The following VPS50 variants were observed in gnomAD, a reference collection of about 807,000 sequenced individuals.
VPS50 encodes VPS50 subunit of EARP/GARPII complex.
Under a neutral mutation model 139.7 loss-of-function variants are expected in VPS50, and 70 were observed. The observed-to-expected ratio is 0.50, with a 90% confidence interval of 0.41 to 0.61. The LOEUF (loss-of-function observed/expected upper bound fraction) is 0.61, where lower values mean the gene tolerates loss of function less well. VPS50 is among the 20% of genes least tolerant of loss of function. VPS50 has a pLI of 0.00. For missense variants in VPS50, 921 were observed against 1,133.7 expected, an observed-to-expected ratio of 0.81 and a Z score of 2.69; for synonymous variants, 365 against 376.7, an observed-to-expected ratio of 0.97 and a Z score of 0.36.
At chr7:93,336,916 G>A (rs1263687654) in intron 22 of VPS50, among the ~76,000 whole-genome samples, 1 of 152,158 alleles carries the variant, frequency 6.6e-6, no homozygotes, top group Non-Finnish European at 1.5e-5. Context: ...TGGTAGGAAA[G>A]GCTAAAAAAT....
chr7:93,294,430 A>G, intron 13 of VPS50, 115 bp from the exon 14 acceptor site: 1 of 878,552 alleles, frequency 1.1e-6, no homozygotes, highest in Non-Finnish European at 1.6e-6. Context: ...AATATCAAAC[A>G]TATTTACTGT....
chr7:93,314,135 T>C (rs1797353276), intron 20 of VPS50, among the ~76,000 whole-genome samples: 1 of 152,174 alleles, frequency 6.6e-6, no homozygotes, highest in Non-Finnish European at 1.5e-5. Context: ...GCCTGAAGAT[T>C]ATAAACTGGC....
Position 93,358,506 on chromosome 7 carries a change from T to G in VPS50, c.*70T>G, listed in dbSNP as rs140043089. 1,229 of 1,313,152 alleles carry G rather than the reference T, an allele frequency of 9.4e-4. 15 individuals carry two copies. The Middle Eastern group carries it at 0.031, about 33-fold the overall frequency. The allele number at this position is 1,313,152 out of a possible 1,614,324, so 81.3% of individuals were successfully genotyped here. A position where few individuals can be genotyped will look rare whatever the true frequency, so the allele number is the denominator to read the frequency against. On this transcript the variant is annotated 3_prime_UTR_variant, in exon 28 of 28. Coordinates refer to ENST00000305866, the MANE Select transcript of VPS50 (RefSeq NM_017667.4). ...ATATATGACCTGAAAGCCAGTTTTT[T>G]TATGCACTTCTGACAACTATCTGCT...
intron 20 of VPS50, among the ~76,000 whole-genome samples, chr7:93,316,079 G>C (rs990918065): frequency 2.6e-5 from 4 of 152,310 alleles, no homozygotes; most frequent in Middle Eastern, 6.8e-3. Flanking sequence ...TATGGGGGCT[G>C]ACACCCTAAT....
chr7:93,256,092 T>C (rs373319481), intron 4 of VPS50, among the ~76,000 whole-genome samples: 1 of 152,192 alleles, frequency 6.6e-6, no homozygotes, highest in East Asian at 1.9e-4. Context: ...ACATAAAGGA[T>C]CTAAAGGATA....
At chr7:93,301,262 A>T (rs749336233) in intron 16 of VPS50, among the ~76,000 whole-genome samples, 4 of 150,920 alleles carry the variant, frequency 2.7e-5, no homozygotes, top group African/African-American at 7.3e-5. Context: ...GCGCCACTGC[A>T]CTCCAGCCTG....
At chr7:93,325,321 A>G (rs1441096244) in intron 21 of VPS50, among the ~76,000 whole-genome samples, 1 of 152,204 alleles carries the variant, frequency 6.6e-6, no homozygotes, top group Non-Finnish European at 1.5e-5. Flanking sequence ...AAAGACTTAA[A>G]TGTTAGACCT....
rs1205579519 is a variant in VPS50 at position 93,349,865 on chromosome 7, T to C, written c.2305-10T>C. On this transcript the variant is annotated splice_polypyrimidine_tract_variant and intron_variant, in intron 24 of 27. Coordinates refer to ENST00000305866, the MANE Select transcript of VPS50 (RefSeq NM_017667.4). ...AATAATTGTTTTCATTTTTGTGAAA[T>C]TTATTTCAGACAGTCTCAACCGCCA... is the stretch of plus-strand genomic sequence containing the variant. 44 of 1,595,774 alleles carry C rather than the reference T, an allele frequency of 2.8e-5. No individual in the cohort carries two copies. Among genetic ancestry groups the C allele is most frequent in the Non-Finnish European group, 3.6e-5 (42 of 1,172,678 alleles).
At chr7:93,331,851 G>A (rs973356039) in intron 21 of VPS50, among the ~76,000 whole-genome samples, 4 of 152,276 alleles carry the variant, frequency 2.6e-5, no homozygotes, top group South Asian at 4.1e-4. Context: ...TACACAAAGT[G>A]TAAACAACTC....
chr7:93,291,960 A>G, intron 13 of VPS50, 125 bp downstream of exon 13: 1 of 590,904 alleles, frequency 1.7e-6, no homozygotes, highest in Non-Finnish European at 2.8e-6. Context: ...ACCATAGGCT[A>G]AATATTGAGC....
At chr7:93,265,032 C>G (rs1372251764) in intron 9 of VPS50, among the ~76,000 whole-genome samples, 1 of 152,106 alleles carries the variant, frequency 6.6e-6, no homozygotes, top group Non-Finnish European at 1.5e-5. Context: ...GACAAAAATC[C>G]TAATAAACAA....
chr7:93,278,262 A>C (rs1398278631), intron 12 of VPS50, among the ~76,000 whole-genome samples: 1 of 152,128 alleles, frequency 6.6e-6, no homozygotes, highest in Non-Finnish European at 1.5e-5. Context: ...ATTTGTGCTC[A>C]AGGTGTTTAC....
At chr7:93,357,919 G>A (rs570434417) in intron 27 of VPS50, among the ~76,000 whole-genome samples, 1 of 152,014 alleles carries the variant, frequency 6.6e-6, no homozygotes, top group Admixed American at 6.6e-5. Context: ...TTTACAAAAT[G>A]TAGAGGGCCA....
intron 2 of VPS50, chr7:93,246,082 C>A (rs1185438939): frequency 8.4e-7 from 1 of 1,184,154 alleles, no homozygotes; most frequent in East Asian, 3.1e-5. Flanking sequence ...CTAAACGCTT[C>A]TTTTTTTTTT....
At chr7:93,310,047 G>A (rs1797222708) in intron 19 of VPS50, among the ~76,000 whole-genome samples, 2 of 151,928 alleles carry the variant, frequency 1.3e-5, no homozygotes, top group African/African-American at 4.8e-5. Flanking sequence ...TTAAGTGTCA[G>A]CATGATCTAC....
rs1350517003 is a variant in VPS50, at chr7:93,243,866, C to T, written c.102+3932C>T. On this transcript the variant is annotated intron_variant, in intron 2 of 27. Coordinates refer to ENST00000305866, the MANE Select transcript of VPS50 (RefSeq NM_017667.4). ...TCTACATCCAGCCTTTATTAATATA[C>T]ACTTTCCATAGTACTTCCACAGTGG... 2.0e-5 allele frequency among the ~76,000 whole-genome samples: 3 copies of T among 151,878 alleles called. No homozygotes were observed. The East Asian group carries it at 5.8e-4, about 29-fold the overall frequency.
intron 2 of VPS50, among the ~76,000 whole-genome samples, chr7:93,245,452 A>G (rs1795120783): frequency 6.6e-6 from 1 of 151,804 alleles, no homozygotes; most frequent in Non-Finnish European, 1.5e-5. Context: ...GTCTGATGAG[A>G]TGTTCGAAAA....
At chr7:93,268,885 G>T (rs997457161) in intron 9 of VPS50, among the ~76,000 whole-genome samples, 1 of 152,108 alleles carries the variant, frequency 6.6e-6, no homozygotes, top group Non-Finnish European at 1.5e-5. Flanking sequence ...GATAATGCTT[G>T]AATTAGGACA....
intron 9 of VPS50, among the ~76,000 whole-genome samples, chr7:93,268,950 G>A (rs1795924514): frequency 6.6e-6 from 1 of 152,118 alleles, no homozygotes; most frequent in Non-Finnish European, 1.5e-5. Context: ...AAATGAAATG[G>A]TAGAATCATC....
Sources: allele counts gnomAD v4.1 joint callset (sites outside exome capture counted in the v4.1 genomes callset), GRCh38; gene constraint gnomAD v4.1.1; transcripts MANE v1.5; gene names NCBI Gene and HGNC (gene_info 2026-07-23, HGNC 2026-07-21).